The following RAB5C variants were observed in gnomAD, a reference collection of about 807,000 sequenced individuals.
RAB5C encodes the protein ras-related protein Rab-5C.
RAB5C carries 4 observed loss-of-function variants against 25.2 expected under a neutral mutation model. That is an observed-to-expected ratio of 0.16 (90% CI 0.08 to 0.36). The LOEUF is 0.36. Ranked by LOEUF, RAB5C falls within the 10% of genes least tolerant of loss-of-function variation. The pLI, the probability that RAB5C is intolerant of heterozygous loss-of-function variation, is 1.00. For synonymous variants in RAB5C, 100 were observed against 106.4 expected (o/e 0.94, Z 0.37); for missense variants, 199 against 283.8 (o/e 0.70, Z 2.15).
intron 2 of RAB5C, among the ~76,000 whole-genome samples, chr17:42,129,094 G>A (rs747044456): frequency 2.0e-5 from 3 of 152,126 alleles, no homozygotes; most frequent in Non-Finnish European, 4.4e-5. Context: ...GAGCAACACA[G>A]CAGGGGCAAG....
intron 1 of RAB5C, among the ~76,000 whole-genome samples, chr17:42,133,509 G>C (rs1331010720): frequency 6.6e-6 from 1 of 152,212 alleles, no homozygotes; most frequent in Non-Finnish European, 1.5e-5. Context: ...AACGGTGTCT[G>C]TACATTGAAG....
chr17:42,150,366 G>A (rs554473646), intron 1 of RAB5C, among the ~76,000 whole-genome samples: 42 of 142,322 alleles, frequency 3.0e-4, no homozygotes, highest in Non-Finnish European at 2.8e-4. Flanking sequence ...CAACATAGAG[G>A]AACCCTGTCT....
chr17:42,146,359 A>G (rs2079635016), intron 1 of RAB5C, among the ~76,000 whole-genome samples: 2 of 152,242 alleles, frequency 1.3e-5, no homozygotes, highest in Non-Finnish European at 2.9e-5. Context: ...AGGGATTGTG[A>G]GAAAACTCTG....
At chr17:42,131,676 C>G (rs2054487909) in intron 1 of RAB5C, 15 of 1,463,134 alleles carry the variant, frequency 1.0e-5, no homozygotes, top group Non-Finnish European at 1.2e-5. Flanking sequence ...TGTGGGAGGG[C>G]AGAGACCAAG....
chr17:42,141,245 A>C (rs1486573275), intron 1 of RAB5C, among the ~76,000 whole-genome samples: 1 of 152,216 alleles, frequency 6.6e-6, no homozygotes, highest in Non-Finnish European at 1.5e-5. Flanking sequence ...CATGGCCCCA[A>C]ATGTTCATAA....
intron 1 of RAB5C, among the ~76,000 whole-genome samples, chr17:42,146,537 T>A (rs2079636045): frequency 6.6e-6 from 1 of 151,992 alleles, no homozygotes; most frequent in Admixed American, 6.6e-5. Flanking sequence ...GACCACAAAG[T>A]CAAGAGATCA....
chr17:42,140,211 C>A (rs1254815924), intron 1 of RAB5C, among the ~76,000 whole-genome samples: 1 of 152,086 alleles, frequency 6.6e-6, no homozygotes, highest in Non-Finnish European at 1.5e-5. Flanking sequence ...AAAACCCTTC[C>A]CGCCCTTACA....
At chr17:42,136,887 G>A (rs2054541880) in intron 1 of RAB5C, among the ~76,000 whole-genome samples, 1 of 152,174 alleles carries the variant, frequency 6.6e-6, no homozygotes, top group African/African-American at 2.4e-5. Flanking sequence ...AAAAACCCCA[G>A]AATATTAACA....
rs773171823 is a variant in RAB5C at position 42,130,452 on chromosome 17, G to C, written c.51C>G (p.Asn17Lys). 6.2e-7 allele frequency: 1 copy of C among 1,614,154 alleles called. No homozygotes were observed. The highest frequency in any genetic ancestry group is 1.7e-5 in the Admixed American group (1 of 60,026). ...GAACCAGCTTAAATTGACAGATCTT[G>C]TTCCCAGCAGCTGGTCCATTGGGTC... Reference protein sequence around the residue: ...AARPNGPAAGNKICQFKLVLL... With the variant: ...AARPNGPAAGKKICQFKLVLL... The change falls in exon 2 of 6, where the codon AAC becomes AAG. Residue 17 changes from asparagine to lysine, a missense_variant. Asn to Lys is a moderately conservative substitution (Grantham distance 94). Around this residue, in one of 3 missense-constraint regions of RAB5C, gnomAD observed 24 missense variants for 64.0 expected, o/e 0.38. Coordinates refer to ENST00000346213, the MANE Select transcript of RAB5C (RefSeq NM_004583.4).
Position 42,125,716 on chromosome 17 carries a change from G to A in RAB5C, c.*67C>T. The A allele has an allele frequency of 8.4e-7, 1 of 1,195,106 alleles. No individual in the cohort carries two copies. The highest frequency in any genetic ancestry group is 1.2e-6 in the Non-Finnish European group (1 of 834,192). The allele number at this position is 1,195,106 out of a possible 1,614,324, so 74.0% of individuals were successfully genotyped here. A position where few individuals can be genotyped will look rare whatever the true frequency, so the allele number is the denominator to read the frequency against. On this transcript the variant is annotated 3_prime_UTR_variant, in exon 6 of 6. Transcript: ENST00000346213. The stretch of plus-strand genomic sequence containing the variant: ...TGGCCCGAGTCGTTAAGTGCGATTG[G>A]TTAGAGTGGATTCCAGTCGGGTCAT...
intron 1 of RAB5C, among the ~76,000 whole-genome samples, chr17:42,142,771 T>C (rs569990460): frequency 2.0e-5 from 3 of 152,276 alleles, no homozygotes; most frequent in African/African-American, 7.2e-5. Context: ...GGATTTCAGC[T>C]ATTCAATGAT....
At chr17:42,128,426 T>C (rs2054450755) in intron 3 of RAB5C, 43 bp from the exon 4 acceptor site, 2 of 1,592,076 alleles carry the variant, frequency 1.3e-6, no homozygotes, top group South Asian at 1.1e-5. Context: ...AGAGAAGGCA[T>C]TCTGCCCAGG....
At chr17:42,138,666 A>G (rs1353228563) in intron 1 of RAB5C, among the ~76,000 whole-genome samples, 1 of 152,152 alleles carries the variant, frequency 6.6e-6, no homozygotes, top group Non-Finnish European at 1.5e-5. Context: ...CTAGACTTCC[A>G]CACCACAATC....
intron 2 of RAB5C, 77 bp from the exon 3 acceptor site, chr17:42,128,877 C>T: frequency 9.4e-6 from 12 of 1,273,924 alleles, no homozygotes; most frequent in Non-Finnish European, 1.2e-5. Flanking sequence ...TGCTTCTAGG[C>T]TCTGGCACTC....
rs1436146327 is a variant in RAB5C, at chr17:42,125,158, T to A, written c.*625A>T. ...TCAGAACAGGGCTCAGAGCCAGAGG[T>A]TGGGGTGACCGAGGGTGGAGGGGTT... is the stretch of plus-strand genomic sequence containing the variant. On this transcript the variant is annotated 3_prime_UTR_variant, in exon 6 of 6. Transcript: ENST00000346213. 1 of 113,980 alleles carries A rather than the reference T, an allele frequency of 8.8e-6. No individual in the cohort carries two copies. Among genetic ancestry groups the A allele is most frequent in the Non-Finnish European group, 1.7e-5 (1 of 57,400 alleles). 7.1% of individuals were successfully genotyped at this position (113,980 alleles called of 1,614,324 possible).
Position 42,125,264 on chromosome 17 carries a change from G to A in RAB5C, c.*519C>T, listed in dbSNP as rs2054406383. ...CAGCAGGGAGGTGGGAGCGGGGAGG[G>A]GGCTGCAGCCTGATGAGAGCCAGCT... On this transcript the variant is annotated 3_prime_UTR_variant, in exon 6 of 6. Transcript: ENST00000346213. The A allele has an allele frequency of 6.5e-6, 1 of 153,296 alleles. No individual in the cohort carries two copies. Among genetic ancestry groups the A allele is most frequent in the Admixed American group, 6.5e-5 (1 of 15,384 alleles). The allele number at this position is 153,296 out of a possible 1,614,324, so 9.5% of individuals were successfully genotyped here. A position where few individuals can be genotyped will look rare whatever the true frequency, so the allele number is the denominator to read the frequency against.
At chr17:42,131,727 G>T in intron 1 of RAB5C, 1 of 1,006,964 alleles carries the variant, frequency 9.9e-7, no homozygotes, top group Non-Finnish European at 1.5e-6. Context: ...CCCGACATCT[G>T]AATCACTTGG....
intron 4 of RAB5C, 46 bp from the exon 5 acceptor site, chr17:42,126,894 G>A (rs2054432058): frequency 9.8e-6 from 13 of 1,325,806 alleles, no homozygotes; most frequent in Non-Finnish European, 1.4e-5. Context: ...AATGTTGGCA[G>A]GGGCCAGGGC....
chr17:42,137,025 G>A (rs1384889222), intron 1 of RAB5C, among the ~76,000 whole-genome samples: 3 of 152,190 alleles, frequency 2.0e-5, no homozygotes, highest in Admixed American at 2.0e-4. Context: ...GCACATTGCC[G>A]CCGGGTGAGG....
Sources: allele counts gnomAD v4.1 joint callset (sites outside exome capture counted in the v4.1 genomes callset), GRCh38; gene constraint gnomAD v4.1.1; regional missense constraint gnomAD v4.1.1; transcripts MANE v1.5; gene names NCBI Gene and HGNC (gene_info 2026-07-23, HGNC 2026-07-21).